CA9: variants seen among roughly 807,000 people sequenced by gnomAD.
The protein encoded by CA9 is carbonic anhydrase 9, also known as CA-IX.
A neutral mutation model predicts 51.8 loss-of-function variants in CA9; 43 were observed. That is an observed-to-expected ratio of 0.83 (90% CI 0.65 to 1.07). CA9 has a LOEUF of 1.07. Among genes scored for constraint, CA9 ranks in the 50% least tolerant of loss-of-function variants. The pLI is 0.00. For synonymous variants in CA9, 253 were observed against 244.2 expected (o/e 1.04, Z -0.34); for missense variants, 574 against 581.4 (o/e 0.99, Z 0.13).
At chr9:35,675,647 G>A in intron 2 of CA9, 80 bp downstream of exon 2, 2 of 1,581,434 alleles carry the variant, frequency 1.3e-6, no homozygotes, top group Non-Finnish European at 1.7e-6. Flanking sequence ...CCTGAACACT[G>A]GTCCCGGGCG....
Position 35,676,121 on chromosome 9 carries a change from G to A in CA9, c.662G>A (p.Arg221Gln), listed in dbSNP as rs751619169. The change falls in exon 4 of 11, where the codon CGG becomes CAG. Residue 221 changes from arginine to glutamine, a missense_variant. Physicochemically the swap from Arg to Gln is conservative, Grantham distance 43 (BLOSUM62 1). Transcript: ENST00000378357. ...GCTCTGGGTCCCGGGCGGGAGTACC[G>A]GGCTCTGCAGCTGCATCTGCACTGG... Reference protein sequence around the residue: ...EMALGPGREYRALQLHLHWGA... With the variant: ...EMALGPGREYQALQLHLHWGA... The A allele has an allele frequency of 6.2e-6, 10 of 1,613,512 alleles. No individual in the cohort carries two copies. Among genetic ancestry groups the A allele is most frequent in the African/African-American group, 1.3e-5 (1 of 74,940 alleles).
Position 35,677,857 on chromosome 9 carries a change from G to A in CA9, c.907+1G>A. On this transcript the variant is annotated splice_donor_variant, in intron 6 of 10. Transcript: ENST00000378357. LOFTEE classifies it high-confidence loss of function. ...CGCTTGGAAGAAATCGCTGAGGAAG[G>A]TCAGTTTGTTGGTCTGGCCACTAAT... 1 of 1,613,864 alleles carries A rather than the reference G, an allele frequency of 6.2e-7. No individual in the cohort carries two copies. The highest frequency in any genetic ancestry group is 1.1e-5 in the South Asian group (1 of 91,078).
chr9:35,680,150 C>T lies in CA9; in HGVS notation c.1237+11C>T. 1 of 1,614,154 alleles carries T rather than the reference C, an allele frequency of 6.2e-7. No individual in the cohort carries two copies. Among genetic ancestry groups the T allele is most frequent in the Non-Finnish European group, 8.5e-7 (1 of 1,180,026 alleles). On this transcript the variant is annotated intron_variant, in intron 9 of 10. Transcript: ENST00000378357. ...CCTGCCTGGCTGCTGGTGAGTCTGCCCCTCCTCTTGGTCCTGATGCCAGGA... is the reference window on the plus strand; with the variant it reads ...CCTGCCTGGCTGCTGGTGAGTCTGCTCCTCCTCTTGGTCCTGATGCCAGGA...
chr9:35,674,976 A>G (rs2131834435), intron 1 of CA9: 1 of 157,514 alleles, frequency 6.3e-6, no homozygotes, highest in South Asian at 1.8e-4. Flanking sequence ...TCAGGACTGA[A>G]GTGCCCACTC....
chr9:35,678,602 G>A (rs1324792387), intron 6 of CA9, among the ~76,000 whole-genome samples: 1 of 151,692 alleles, frequency 6.6e-6, no homozygotes, highest in East Asian at 1.9e-4. Context: ...TGCTAGACTA[G>A]GTAGAACTCT....
chr9:35,680,510 G>A (rs921341066), intron 9 of CA9, among the ~76,000 whole-genome samples: 4 of 152,314 alleles, frequency 2.6e-5, no homozygotes, highest in Middle Eastern at 3.4e-3. Context: ...CTGTAGGCAT[G>A]AGCCACTGTG....
chr9:35,678,085 G>A (rs929743609), intron 6 of CA9, among the ~76,000 whole-genome samples: 6 of 152,098 alleles, frequency 3.9e-5, no homozygotes, highest in East Asian at 3.9e-4. Context: ...GGTGGCTCAC[G>A]CCTGTAATCC....
chr9:35,676,368 C>T lies in CA9; in HGVS notation c.819C>T (p.Ala273=), dbSNP rs774128742. ...CCTTGGGGCGCCCGGGAGGCCTGGC[C>T]GTGTTGGCCGCCTTTCTGGAGGTAC... The part of the protein sequence containing the change: ...DEALGRPGGL[A]VLAAFLEEGP... The change falls in exon 5 of 11, where the codon GCC becomes GCT. Residue 273 remains alanine, a synonymous_variant. Transcript: ENST00000378357. 3.7e-6 allele frequency: 6 copies of T among 1,613,724 alleles called. No individual in the cohort carries two copies. In the South Asian group the frequency reaches 6.6e-5, roughly 18 times the overall value.
chr9:35,679,430 G>T (rs1014307620), intron 7 of CA9, 88 bp downstream of exon 7: 2 of 1,497,832 alleles, frequency 1.3e-6, no homozygotes, highest in Non-Finnish European at 1.8e-6. Flanking sequence ...AGAAATCAAG[G>T]CTGGGCTCTG....
At position 35,679,257 on chromosome 9, in the gene CA9, A is replaced by G; in HGVS notation, c.980A>G (p.Tyr327Cys). 6.2e-7 allele frequency: 1 copy of G among 1,614,158 alleles called. No homozygotes were observed. Among genetic ancestry groups the G allele is most frequent in the Middle Eastern group, 1.6e-4 (1 of 6,062 alleles). The change falls in exon 7 of 11, where the codon TAT becomes TGT. Residue 327 changes from tyrosine to cysteine, a missense_variant. Transcript: ENST00000378357. Reference sequence around the variant, plus strand: ...TCTGACTTCAGCCGCTACTTCCAATATGAGGGGTCTCTGACTACACCGCCC... The same window carrying G: ...TCTGACTTCAGCCGCTACTTCCAATGTGAGGGGTCTCTGACTACACCGCCC... ...LPSDFSRYFQ[Y>C]EGSLTTPPCA...
intron 6 of CA9, among the ~76,000 whole-genome samples, chr9:35,678,695 C>CT (rs746454806): frequency 0.035 from 4,579 of 129,586 alleles, 227 homozygotes; most frequent in African/African-American, 0.12. Context: ...TTTTTCTTTT[C>CT]TTTTCTTTTT....
intron 5 of CA9, 54 bp downstream of exon 5, chr9:35,676,443 C>A: frequency 3.5e-6 from 5 of 1,415,134 alleles, no homozygotes; most frequent in Non-Finnish European, 3.9e-6. Context: ...ATGCTCCTCC[C>A]GGACTCTATC....
Position 35,676,097 on chromosome 9 carries a change from C to T in CA9, c.638C>T (p.Ala213Val). ...QLTLPPGLEM[A>V]LGPGREYRAL... Reference sequence around the variant, plus strand: ...ACCCTGCCTCCTGGGCTAGAGATGGCTCTGGGTCCCGGGCGGGAGTACCGG... The same window carrying T: ...ACCCTGCCTCCTGGGCTAGAGATGGTTCTGGGTCCCGGGCGGGAGTACCGG... The change falls in exon 4 of 11, where the codon GCT becomes GTT. Residue 213 changes from alanine to valine, a missense_variant. Coordinates refer to ENST00000378357, the MANE Select transcript of CA9 (RefSeq NM_001216.3). 6.2e-7 allele frequency: 1 copy of T among 1,613,238 alleles called. No individual in the cohort carries two copies. Among genetic ancestry groups the T allele is most frequent in the Non-Finnish European group, 8.5e-7 (1 of 1,179,732 alleles).
At chr9:35,676,610 G>A (rs2301372) in intron 5 of CA9, among the ~76,000 whole-genome samples, 4,447 of 152,300 alleles carry the variant, frequency 0.029, 121 homozygotes, top group East Asian at 0.14. Context: ...GGAGCCCACA[G>A]CCAGTGGGGG....
chr9:35,674,035 C>T lies in CA9; in HGVS notation c.76C>T (p.Leu26=). 6.2e-7 allele frequency: 1 copy of T among 1,614,158 alleles called. No homozygotes were observed. Among genetic ancestry groups the T allele is most frequent in the Non-Finnish European group, 8.5e-7 (1 of 1,180,000 alleles). ...APAPGLTVQL[L]LSLLLLVPVH... is the part of the protein sequence containing the mutation. Reference sequence around the variant, plus strand: ...TGCTCCAGGCCTCACTGTGCAACTGCTGCTGTCACTGCTGCTTCTGGTGCC... The same window carrying T: ...TGCTCCAGGCCTCACTGTGCAACTGTTGCTGTCACTGCTGCTTCTGGTGCC... Residue 26 remains leucine, a synonymous_variant, in exon 1 of 11, where the codon CTG becomes TTG. Coordinates refer to ENST00000378357, the MANE Select transcript of CA9 (RefSeq NM_001216.3).
chr9:35,676,124 C>G lies in CA9; in HGVS notation c.665C>G (p.Ala222Gly), dbSNP rs1460165868. ...MALGPGREYRALQLHLHWGAA... is the reference protein window; with the variant it reads ...MALGPGREYRGLQLHLHWGAA... ...CTGGGTCCCGGGCGGGAGTACCGGGCTCTGCAGCTGCATCTGCACTGGGGG... is the reference window on the plus strand; with the variant it reads ...CTGGGTCCCGGGCGGGAGTACCGGGGTCTGCAGCTGCATCTGCACTGGGGG... The change falls in exon 4 of 11, where the codon GCT becomes GGT. Residue 222 changes from alanine to glycine, a missense_variant. Transcript: ENST00000378357. 6.2e-7 allele frequency: 1 copy of G among 1,613,560 alleles called. No individual in the cohort carries two copies. The highest frequency in any genetic ancestry group is 8.5e-7 in the Non-Finnish European group (1 of 1,179,832).
chr9:35,676,115 A>G lies in CA9; in HGVS notation c.656A>G (p.Glu219Gly), dbSNP rs765022231. 6.2e-7 allele frequency: 1 copy of G among 1,613,670 alleles called. No homozygotes were observed. Among genetic ancestry groups the G allele is most frequent in the East Asian group, 2.2e-5 (1 of 44,866 alleles). ...GLEMALGPGR[E>G]YRALQLHLHW... ...GAGATGGCTCTGGGTCCCGGGCGGG[A>G]GTACCGGGCTCTGCAGCTGCATCTG... The change falls in exon 4 of 11, where the codon GAG becomes GGG. Residue 219 changes from glutamate to glycine, a missense_variant. By Grantham distance (98) the Glu-to-Gly change is moderately conservative. Transcript: ENST00000378357.
chr9:35,676,513 C>T, intron 5 of CA9, 124 bp downstream of exon 5: 1 of 747,944 alleles, frequency 1.3e-6, no homozygotes, highest in East Asian at 2.5e-5. Context: ...CAAACTCATT[C>T]ACGCACTGTT....
rs963516962 is a variant in CA9, at chr9:35,680,028, A to C, written c.1210+30A>C. 1.9e-6 allele frequency: 3 copies of C among 1,614,202 alleles called. No individual in the cohort carries two copies. In the East Asian group the frequency reaches 6.7e-5, roughly 36 times the overall value. ...AGCTTTGTCTGGTTTCCCCCCAGCC[A>C]GTAGTCCCTTATCCTCCCATGTGTG... is the stretch of plus-strand genomic sequence containing the variant. On this transcript the variant is annotated intron_variant, in intron 8 of 10. Coordinates refer to ENST00000378357, the MANE Select transcript of CA9 (RefSeq NM_001216.3).
Sources: gnomAD v4.1 joint callset for allele counts (sites outside exome capture counted in the v4.1 genomes callset) on GRCh38, gnomAD v4.1.1 for gene constraint, MANE v1.5 for transcripts, NCBI Gene and HGNC (gene_info 2026-07-23, HGNC 2026-07-21) for gene names.